Variants in IPO8 observed in about 807,000 individuals in gnomAD.
The protein encoded by IPO8 is importin-8.
In IPO8, 65 loss-of-function variants were observed where a neutral mutation model predicts 141.2. The ratio of observed to expected loss-of-function variants is 0.46; its 90% CI spans 0.38 to 0.57. The LOEUF is 0.57. Among genes scored for constraint, IPO8 ranks in the 20% least tolerant of loss-of-function variants. IPO8 has a pLI of 0.00. For missense variants in IPO8, 980 were observed against 1,246.8 expected, an observed-to-expected ratio of 0.79 and a Z score of 3.22; for synonymous variants, 411 against 420.3, an observed-to-expected ratio of 0.98 and a Z score of 0.27.
chr12:30,665,686 C>T (rs367868103), intron 12 of IPO8, 43 bp downstream of exon 12: 10 of 1,266,434 alleles, frequency 7.9e-6, no homozygotes, highest in African/African-American at 1.5e-5. Context: ...TTTGCCTGTA[C>T]TTTACAATGT....
chr12:30,641,497 T>C (rs1441006281), intron 20 of IPO8, among the ~76,000 whole-genome samples: 1 of 78,836 alleles, frequency 1.3e-5, no homozygotes, highest in Non-Finnish European at 2.5e-5. Context: ...CTATTTCTTT[T>C]TTTTTTTTTT....
chr12:30,661,519 A>G (rs1165747050), intron 15 of IPO8, among the ~76,000 whole-genome samples: 1 of 152,126 alleles, frequency 6.6e-6, no homozygotes, highest in East Asian at 1.9e-4. Context: ...AGCAAGTAAA[A>G]TCACAATCTA....
intron 16 of IPO8, among the ~76,000 whole-genome samples, chr12:30,659,560 C>T (rs1160730559): frequency 1.3e-5 from 2 of 151,306 alleles, no homozygotes; most frequent in Non-Finnish European, 2.9e-5. Flanking sequence ...CAGGATAAAC[C>T]AACAGCTACG....
At chr12:30,683,231 T>C (rs1420764719) in intron 3 of IPO8, among the ~76,000 whole-genome samples, 1 of 152,228 alleles carries the variant, frequency 6.6e-6, no homozygotes, top group African/African-American at 2.4e-5. Flanking sequence ...GTCCCATGAC[T>C]GGCATTTGGG....
chr12:30,690,655 A>C, intron 1 of IPO8, 78 bp from the exon 2 acceptor site: 2 of 699,674 alleles, frequency 2.9e-6, no homozygotes, highest in Non-Finnish European at 4.8e-6. Flanking sequence ...GTTACTGAAT[A>C]CATTACTGTC....
At chr12:30,635,932 T>C (rs1352715529) in intron 22 of IPO8, among the ~76,000 whole-genome samples, 2 of 151,292 alleles carry the variant, frequency 1.3e-5, no homozygotes, top group Admixed American at 6.6e-5. Flanking sequence ...CAATAAAGAG[T>C]TGCCAAAACA....
intron 13 of IPO8, among the ~76,000 whole-genome samples, chr12:30,664,834 G>A (rs2052939359): frequency 3.3e-5 from 5 of 152,136 alleles, no homozygotes; most frequent in Non-Finnish European, 7.4e-5. Context: ...CCGCCTCCCG[G>A]GTTCAAGCAA....
chr12:30,690,723 C>A, intron 1 of IPO8, 146 bp from the exon 2 acceptor site: 1 of 510,484 alleles, frequency 2.0e-6, no homozygotes, highest in South Asian at 4.0e-5. Context: ...ATGAAGATTA[C>A]TAAAATACTT....
chr12:30,682,253 A>G (rs551053946), intron 3 of IPO8, among the ~76,000 whole-genome samples: 1 of 152,316 alleles, frequency 6.6e-6, no homozygotes, highest in South Asian at 2.1e-4. Flanking sequence ...GAAGGCCTAC[A>G]TAATGGTGGG....
chr12:30,633,444 T>C (rs17486840), intron 23 of IPO8, among the ~76,000 whole-genome samples: 9,408 of 152,316 alleles, frequency 0.062, 374 homozygotes, highest in Middle Eastern at 0.12. Context: ...AATATCCTCA[T>C]TGGCTTGTTT....
chr12:30,679,266 T>C (rs1296218452), intron 5 of IPO8, among the ~76,000 whole-genome samples: 1 of 152,234 alleles, frequency 6.6e-6, no homozygotes, highest in Non-Finnish European at 1.5e-5. Context: ...TATTAATGTA[T>C]TAGTACATAA....
intron 20 of IPO8, 75 bp from the exon 21 acceptor site, chr12:30,639,810 G>T: frequency 1.0e-6 from 1 of 989,078 alleles, no homozygotes; most frequent in Non-Finnish European, 1.6e-6. Context: ...TATTGGCAGA[G>T]CATTCTCAAT....
intron 10 of IPO8, among the ~76,000 whole-genome samples, chr12:30,666,587 ACCATTC>A (rs1214239487): frequency 4.6e-5 from 7 of 152,214 alleles, no homozygotes; most frequent in African/African-American, 7.2e-5. Flanking sequence ...TGTGCCAGGT[ACCATTC>A]TAGACCCCGG....
intron 20 of IPO8, 34 bp downstream of exon 20, chr12:30,649,103 C>A: frequency 7.2e-7 from 1 of 1,386,264 alleles, no homozygotes. Context: ...TCAAATGTAA[C>A]CCTCAAGTAA....
chr12:30,649,298 C>T lies in IPO8; in HGVS notation c.2173-66G>A, dbSNP rs1000511713. 4.7e-6 allele frequency: 5 copies of T among 1,060,804 alleles called. No individual in the cohort carries two copies. The African/African-American group carries it at 4.8e-5, about 10-fold the overall frequency. 65.7% of individuals were successfully genotyped at this position (1,060,804 alleles called of 1,614,324 possible). ...CATAGAGGTTAATCAAGTCCACATG[C>T]ACAAATGTCCCATATAAATTCAGCC... is the stretch of plus-strand genomic sequence containing the variant. On this transcript the variant is annotated intron_variant, in intron 19 of 24. Transcript: ENST00000256079.
intron 14 of IPO8, 24 bp downstream of exon 14, chr12:30,663,465 G>A (rs776580228): frequency 1.3e-6 from 2 of 1,576,242 alleles, no homozygotes; most frequent in East Asian, 4.5e-5. Flanking sequence ...TTGAGAAGAT[G>A]TCTAAAAGGT....
intron 9 of IPO8, among the ~76,000 whole-genome samples, 181 bp from the exon 10 acceptor site, chr12:30,669,463 A>G (rs1311104286): frequency 2.0e-5 from 3 of 152,080 alleles, no homozygotes; most frequent in Admixed American, 2.0e-4. Context: ...ATTTTTTTTA[A>G]CATTTCCATT....
rs1377785190 is a variant in IPO8 at position 30,682,365 on chromosome 12, T to C, written c.324-548A>G. Among the ~76,000 whole-genome samples the C allele has an allele frequency of 2.0e-5, 3 of 152,250 alleles. No individual in the cohort carries two copies. In the East Asian group the frequency reaches 5.8e-4, roughly 29 times the overall value. On this transcript the variant is annotated intron_variant, in intron 3 of 24. Coordinates refer to ENST00000256079, the MANE Select transcript of IPO8 (RefSeq NM_006390.4). ...AAGCAGTCTGAGATACTAATTTTTG[T>C]ACCCCAAGTATAAGAAAGAAACATG... is the stretch of plus-strand genomic sequence containing the variant.
At chr12:30,666,042 G>GAA (rs573389986) in intron 11 of IPO8, 133 bp downstream of exon 11, 2 of 622,632 alleles carry the variant, frequency 3.2e-6, no homozygotes, top group East Asian at 3.1e-5. Flanking sequence ...ACCAGGAGAG[G>GAA]AAAAAAAAAA....
Sources: gnomAD v4.1 joint callset for allele counts (sites outside exome capture counted in the v4.1 genomes callset) on GRCh38, gnomAD v4.1.1 for gene constraint, MANE v1.5 for transcripts, NCBI Gene and HGNC (gene_info 2026-07-23, HGNC 2026-07-21) for gene names.